Variants in WDR53 observed in about 807,000 individuals in gnomAD.
WDR53 encodes WD repeat-containing protein 53.
Under a neutral mutation model 21.3 loss-of-function variants are expected in WDR53, and 19 were observed. That is an observed-to-expected ratio of 0.89 (90% confidence interval 0.62 to 1.31). The LOEUF is 1.31. Ranked by LOEUF, WDR53 falls within the 50% of genes most tolerant of loss-of-function variation. The pLI is 0.00. For missense variants in WDR53, 374 were observed against 423.2 expected (o/e 0.88, Z 1.02); for synonymous variants, 157 against 163.4 (o/e 0.96, Z 0.30).
At position 196,554,242 on chromosome 3, in the gene WDR53, C is replaced by T. The variant is rs767268004; in HGVS notation, c.1046G>A (p.Cys349Tyr). 1.2e-6 allele frequency: 2 copies of T among 1,613,056 alleles called. No individual in the cohort carries two copies. The highest frequency in any genetic ancestry group is 2.2e-5 in the South Asian group (2 of 91,022). The change falls in exon 4 of 4, where the codon TGT becomes TAT. Residue 349 changes from cysteine to tyrosine, a missense_variant. Cys to Tyr is a radical substitution (Grantham distance 194). Coordinates refer to ENST00000332629, the MANE Select transcript of WDR53 (RefSeq NM_182627.3). ...TTCATTTAAGGGGTATACAGATATA[C>T]AACTAGTTTGATCAGCTACTAATAT... ...QNILVADQTS[C>Y]ISVYPLNEF
chr3:196,564,395 C>CT (rs1553872894), intron 2 of WDR53, among the ~76,000 whole-genome samples: 121 of 135,908 alleles, frequency 8.9e-4, no homozygotes, highest in South Asian at 6.8e-4. Context: ...TTTCTTTTTT[C>CT]TTTTTTTTTT....
chr3:196,561,612 C>A, intron 2 of WDR53, 121 bp from the exon 3 acceptor site: 22 of 990,744 alleles, frequency 2.2e-5, no homozygotes, highest in Admixed American at 3.7e-5. Context: ...CTTAAAAAAA[C>A]TCAATTAATT....
chr3:196,562,375 C>G (rs1020081488), intron 2 of WDR53, among the ~76,000 whole-genome samples: 2 of 152,184 alleles, frequency 1.3e-5, no homozygotes, highest in African/African-American at 2.4e-5. Context: ...AATTTTCCTG[C>G]CTCAGCCTCC....
chr3:196,568,145 T>C (rs1342668478), intron 1 of WDR53, among the ~76,000 whole-genome samples: 1 of 152,166 alleles, frequency 6.6e-6, no homozygotes, highest in East Asian at 1.9e-4. Context: ...AGCGCTCAAA[T>C]GGCACTCGAA....
chr3:196,567,751 T>TG (rs1735555984), intron 1 of WDR53, among the ~76,000 whole-genome samples: 1 of 143,570 alleles, frequency 7.0e-6, no homozygotes, highest in African/African-American at 2.6e-5. Flanking sequence ...GCTGAAATTC[T>TG]TGTGTGTGTG....
intron 3 of WDR53, among the ~76,000 whole-genome samples, chr3:196,557,908 G>A (rs1734482233): frequency 6.6e-6 from 1 of 151,154 alleles, no homozygotes; most frequent in African/African-American, 2.4e-5. Flanking sequence ...CCCCCAAGTA[G>A]CTGGGACTAC....
intron 3 of WDR53, among the ~76,000 whole-genome samples, chr3:196,556,656 T>TAA (rs60957596): frequency 1.8e-3 from 256 of 139,612 alleles, no homozygotes; most frequent in East Asian, 8.5e-3. Context: ...ACTCCGTCTT[T>TAA]AAAAAAAAAA....
chr3:196,567,100 G>T lies in WDR53; in HGVS notation c.-240C>A, dbSNP rs115375227. On this transcript the variant is annotated 5_prime_UTR_variant, in exon 2 of 4. Transcript: ENST00000332629. ...TTCAAGAGTCTGTGCCTCTAAGGCT[G>T]TTCATTCTGTCTAGTTCATGATCCC... The T allele has an allele frequency of 3.7e-3, 1,704 of 456,142 alleles. 23 individuals are homozygous for T. Among genetic ancestry groups the T allele is most frequent in the African/African-American group, 0.031 (1,575 of 50,174 alleles). 28.3% of individuals were successfully genotyped at this position (456,142 alleles called of 1,614,324 possible).
intron 3 of WDR53, among the ~76,000 whole-genome samples, chr3:196,557,992 G>T (rs1333462596): frequency 2.0e-5 from 3 of 151,876 alleles, no homozygotes; most frequent in Non-Finnish European, 4.4e-5. Context: ...GCCCAGGCTG[G>T]TCACAAACTC....
Position 196,554,679 on chromosome 3 carries a change from G to A in WDR53, c.609C>T (p.Ile203=). 3 of 1,614,156 alleles carry A rather than the reference G, an allele frequency of 1.9e-6. No individual in the cohort carries two copies. The highest frequency in any genetic ancestry group is 1.7e-5 in the Admixed American group (1 of 60,012). Residue 203 remains isoleucine (I), a synonymous_variant, in exon 4 of 4, where the codon ATC becomes ATT. Coordinates refer to ENST00000332629, the MANE Select transcript of WDR53 (RefSeq NM_182627.3). ...AAATATTACCACACGAAGCCACAGA[G>A]ATAGAATGGGCTAGGGCAGGGTTTA... ...QLLNPALAHS[I]SVASCGNIFS...
chr3:196,566,695 T>C (rs760207678), intron 2 of WDR53, among the ~76,000 whole-genome samples, 182 bp downstream of exon 2: 1 of 152,146 alleles, frequency 6.6e-6, no homozygotes, highest in African/African-American at 2.4e-5. Flanking sequence ...ATTCCAGGCG[T>C]GAGCCACGGC....
chr3:196,558,201 C>T (rs979211285), intron 3 of WDR53, among the ~76,000 whole-genome samples: 2 of 151,452 alleles, frequency 1.3e-5, no homozygotes, highest in Admixed American at 6.6e-5. Flanking sequence ...TCTTTGAATG[C>T]GCTTTGCCTA....
At chr3:196,559,872 G>T (rs1329955686) in intron 3 of WDR53, among the ~76,000 whole-genome samples, 1 of 152,048 alleles carries the variant, frequency 6.6e-6, no homozygotes, top group Admixed American at 6.6e-5. Flanking sequence ...GTGAATTTCA[G>T]TTTCTTTATT....
Position 196,561,133 on chromosome 3 carries a change from AGT to A in WDR53, c.341_342del (p.Asp114ValfsTer67). 1.9e-6 allele frequency: 3 copies of A among 1,614,228 alleles called. No homozygotes were observed. The highest frequency in any genetic ancestry group is 2.5e-6 in the Non-Finnish European group (3 of 1,180,044). On this transcript the variant is annotated frameshift_variant, in exon 3 of 4. Transcript: ENST00000332629. LOFTEE classifies it high-confidence loss of function. ...AAGTCTAGGATTTTGATTGCCCCAG[AGT>A]CGTCAGCAGAAGCCAGCAGGTTTTC... ...QTENLLASAD[D>X]SGAIKILDLE...
At position 196,561,103 on chromosome 3, in the gene WDR53, T is replaced by C. The variant is rs1560304767; in HGVS notation, c.373A>G (p.Asn125Asp). ...TTCAAGGATCTGATAACTTTCTTGT[T>C]TTCCAAGTCTAGGATTTTGATTGCC... ...SGAIKILDLE[N>D]KKVIRSLKRH... Residue 125 changes from asparagine (N) to aspartate (D), a missense_variant, in exon 3 of 4, where the codon AAC (asparagine) becomes GAC (aspartate). Coordinates refer to ENST00000332629, the MANE Select transcript of WDR53 (RefSeq NM_182627.3). 1 of 1,614,256 alleles carries C rather than the reference T, an allele frequency of 6.2e-7. No homozygotes were observed. Among genetic ancestry groups the C allele is most frequent in the South Asian group, 1.1e-5 (1 of 91,084 alleles).
Position 196,561,239 on chromosome 3 carries a change from A to G in WDR53, c.237T>C (p.Asp79=). The G allele has an allele frequency of 6.2e-7, 1 of 1,614,240 alleles. No individual in the cohort carries two copies. ...CCAAGGAATCTTTGAGGGACCTGAC[A>G]TCCAGTACACTAATGGTTTCTCCAT... ...ASHGETISVL[D]VRSLKDSLDH... The change falls in exon 3 of 4, where the codon GAT becomes GAC. Residue 79 remains aspartate, a synonymous_variant. Coordinates refer to ENST00000332629, the MANE Select transcript of WDR53 (RefSeq NM_182627.3).
chr3:196,567,808 G>A lies in WDR53; in HGVS notation c.-447-501C>T, dbSNP rs981184050. ...GTGTGAGGTAGGGGCTCACTCTGTC[G>A]CCCAGGCTGGAGCACAGCAGGGCGA... On this transcript the variant is annotated intron_variant, in intron 1 of 3. Coordinates refer to ENST00000332629, the MANE Select transcript of WDR53 (RefSeq NM_182627.3). Among the ~76,000 whole-genome samples the A allele has an allele frequency of 7.6e-5, 11 of 145,538 alleles. No homozygotes were observed. The East Asian group carries it at 2.0e-3, about 27-fold the overall frequency.
At chr3:196,565,420 C>T (rs1016399604) in intron 2 of WDR53, among the ~76,000 whole-genome samples, 2 of 151,974 alleles carry the variant, frequency 1.3e-5, no homozygotes, top group Non-Finnish European at 2.9e-5. Context: ...ACTAAAAATA[C>T]AAAAATTAGC....
At chr3:196,559,131 A>T (rs895883022) in intron 3 of WDR53, among the ~76,000 whole-genome samples, 1 of 152,226 alleles carries the variant, frequency 6.6e-6, no homozygotes, top group Non-Finnish European at 1.5e-5. Context: ...CTGATGGAAA[A>T]GTGGTACAGC....
Sources: gnomAD v4.1 joint callset for allele counts (sites outside exome capture counted in the v4.1 genomes callset) on GRCh38, gnomAD v4.1.1 for gene constraint, MANE v1.5 for transcripts, NCBI Gene and HGNC (gene_info 2026-07-23, HGNC 2026-07-21) for gene names.